CCSER1: variants seen among roughly 807,000 people sequenced by gnomAD.
CCSER1 encodes serine-rich coiled-coil domain-containing protein 1.
CCSER1 carries 41 observed loss-of-function variants against 82.0 expected under a neutral mutation model. The ratio of observed to expected loss-of-function variants is 0.50; its 90% CI spans 0.39 to 0.65. The LOEUF (loss-of-function observed/expected upper bound fraction) is 0.65, where lower values mean the gene tolerates loss of function less well. Ranked by LOEUF, CCSER1 falls within the 30% of genes least tolerant of loss-of-function variation. The probability of loss-of-function intolerance (pLI) is 0.00; values close to 1 mark genes in which losing one functional copy is unlikely to be tolerated. For missense variants in CCSER1, 1,119 were observed against 1,064.2 expected, an observed-to-expected ratio of 1.05 and a Z score of -0.72; for synonymous variants, 414 against 383.9, an observed-to-expected ratio of 1.08 and a Z score of -0.92.
intron 3 of CCSER1, among the ~76,000 whole-genome samples, chr4:90,317,271 G>A (rs1179172912): frequency 6.6e-6 from 1 of 152,116 alleles, no homozygotes; most frequent in Non-Finnish European, 1.5e-5. Context: ...ACCGTTAAAG[G>A]AAGGAAAAAT....
At chr4:90,826,050 GTGGATTGT>G (rs1330302796) in intron 8 of CCSER1, among the ~76,000 whole-genome samples, 3 of 152,146 alleles carry the variant, frequency 2.0e-5, no homozygotes, top group African/African-American at 7.2e-5. Flanking sequence ...AATACAAAAA[GTGGATTGT>G]TTAACATCAG....
At chr4:91,541,806 G>A (rs1761614475) in intron 10 of CCSER1, among the ~76,000 whole-genome samples, 1 of 152,128 alleles carries the variant, frequency 6.6e-6, no homozygotes, top group Non-Finnish European at 1.5e-5. Flanking sequence ...TCGCCACACT[G>A]TCTTCCACAA....
intron 5 of CCSER1, among the ~76,000 whole-genome samples, chr4:90,593,109 A>G (rs1290832857): frequency 1.3e-5 from 2 of 152,196 alleles, no homozygotes; most frequent in African/African-American, 4.8e-5. Flanking sequence ...TAATGCTTGC[A>G]AAAATTACTA....
intron 10 of CCSER1, among the ~76,000 whole-genome samples, chr4:91,273,564 G>A (rs1388845899): frequency 3.3e-5 from 5 of 152,106 alleles, no homozygotes; most frequent in African/African-American, 1.2e-4. Context: ...GTGACAGTTT[G>A]ACTTCCTCTT....
At chr4:91,154,288 A>G (rs1730574116) in intron 10 of CCSER1, among the ~76,000 whole-genome samples, 1 of 152,008 alleles carries the variant, frequency 6.6e-6, no homozygotes, top group Non-Finnish European at 1.5e-5. Flanking sequence ...GCAAGGCTCC[A>G]TGGGTGTGGG....
chr4:90,556,085 G>GA (rs890005228), intron 5 of CCSER1, among the ~76,000 whole-genome samples: 1 of 151,432 alleles, frequency 6.6e-6, no homozygotes, highest in African/African-American at 2.4e-5. Flanking sequence ...TCTTATGGAG[G>GA]AAAAAAAAGT....
chr4:91,185,171 T>C (rs892916679), intron 10 of CCSER1, among the ~76,000 whole-genome samples: 1 of 152,220 alleles, frequency 6.6e-6, no homozygotes, highest in African/African-American at 2.4e-5. Flanking sequence ...TAATTTGATT[T>C]ACCCAATAAG....
chr4:90,897,538 T>C (rs2061950554), intron 8 of CCSER1, among the ~76,000 whole-genome samples: 1 of 152,068 alleles, frequency 6.6e-6, no homozygotes, highest in Non-Finnish European at 1.5e-5. Context: ...CAATTCTTGT[T>C]TGATAAACAC....
At chr4:90,977,267 A>G in intron 9 of CCSER1, among the ~76,000 whole-genome samples, 1 of 151,474 alleles carries the variant, frequency 6.6e-6, no homozygotes, top group East Asian at 1.9e-4. Context: ...CTGGCCACCT[A>G]CCTCCAGCCT....
At chr4:90,879,999 A>AT (rs1264491233) in intron 8 of CCSER1, among the ~76,000 whole-genome samples, 12 of 152,160 alleles carry the variant, frequency 7.9e-5, no homozygotes, top group African/African-American at 2.7e-4. Flanking sequence ...CTAGCAAAGT[A>AT]TTTTTTGTGT....
intron 10 of CCSER1, among the ~76,000 whole-genome samples, chr4:91,438,866 G>A (rs1229344741): frequency 6.6e-6 from 1 of 152,178 alleles, no homozygotes; most frequent in East Asian, 1.9e-4. Context: ...CGATCAACTG[G>A]AAGAAAGGGT....
At chr4:91,148,227 C>T (rs1377782007) in intron 10 of CCSER1, among the ~76,000 whole-genome samples, 6 of 152,024 alleles carry the variant, frequency 3.9e-5, no homozygotes, top group South Asian at 2.1e-4. Flanking sequence ...TCTTACAATG[C>T]GGTCTAATCC....
rs78913786 is a variant in CCSER1 at position 91,336,870 on chromosome 4, G to A, written c.2217+250876G>A. On this transcript the variant is annotated intron_variant, in intron 10 of 10. Transcript: ENST00000509176. ...GAAAATAACTGTTAATTTGTTAATG[G>A]TTAGGTAATATGGTACTTTGTGTTG... 7.4e-3 allele frequency among the ~76,000 whole-genome samples: 1,129 copies of A among 152,154 alleles called. 6 individuals carry two copies. Among genetic ancestry groups the A allele is most frequent in the Middle Eastern group, 0.01 (3 of 294 alleles).
intron 10 of CCSER1, among the ~76,000 whole-genome samples, chr4:91,187,461 T>G (rs1254026542): frequency 6.6e-6 from 1 of 152,130 alleles, no homozygotes. Flanking sequence ...TGAAATAACT[T>G]AAGATGTTTC....
At chr4:90,248,679 G>A (rs1721857726) in intron 1 of CCSER1, among the ~76,000 whole-genome samples, 1 of 151,636 alleles carries the variant, frequency 6.6e-6, no homozygotes, top group African/African-American at 2.4e-5. Flanking sequence ...AGCATTGACT[G>A]ATTTATGTGT....
chr4:90,270,328 G>T (rs1726026326), intron 1 of CCSER1, among the ~76,000 whole-genome samples: 2 of 152,020 alleles, frequency 1.3e-5, no homozygotes, highest in Non-Finnish European at 2.9e-5. Flanking sequence ...GACCAACTGG[G>T]ATTTATTCCA....
At chr4:90,708,666 T>C (rs1168286789) in intron 6 of CCSER1, among the ~76,000 whole-genome samples, 1 of 152,196 alleles carries the variant, frequency 6.6e-6, no homozygotes, top group Non-Finnish European at 1.5e-5. Flanking sequence ...GCCCTCCTTG[T>C]TCTATTGTAA....
chr4:90,344,296 T>C (rs1309076489), intron 3 of CCSER1, among the ~76,000 whole-genome samples: 1 of 152,222 alleles, frequency 6.6e-6, no homozygotes, highest in East Asian at 1.9e-4. Flanking sequence ...CTAAATATTC[T>C]TGACATACAA....
intron 6 of CCSER1, among the ~76,000 whole-genome samples, chr4:90,719,825 A>G (rs768005642): frequency 7.2e-5 from 11 of 152,152 alleles, no homozygotes; most frequent in Admixed American, 5.9e-4. Context: ...TCCTTTTTTC[A>G]TACATTACAC....
Sources: allele counts gnomAD v4.1 joint callset (sites outside exome capture counted in the v4.1 genomes callset), GRCh38; gene constraint gnomAD v4.1.1; transcripts MANE v1.5; gene names NCBI Gene and HGNC (gene_info 2026-07-23, HGNC 2026-07-21).